Variants in SKA2 observed in about 807,000 individuals in gnomAD.
The protein encoded by SKA2 is spindle and kinetochore-associated protein 2.
Under a neutral mutation model 16.9 loss-of-function variants are expected in SKA2, and 13 were observed. That is an observed-to-expected ratio of 0.77 (90% CI 0.50 to 1.22). SKA2 has a LOEUF of 1.22. Ranked by LOEUF, SKA2 falls within the 50% of genes most tolerant of loss-of-function variation. SKA2 has a pLI of 0.00. For missense variants in SKA2, 107 were observed against 139.7 expected (o/e 0.77, Z 1.18); for synonymous variants, 47 against 48.5 (o/e 0.97, Z 0.13).
intron 1 of SKA2, chr17:59,151,006 T>C (rs1322131069): frequency 8.4e-6 from 3 of 357,888 alleles, no homozygotes; most frequent in South Asian, 6.2e-5. Flanking sequence ...TTTTTTTTTT[T>C]CAAATTATGA....
At chr17:59,137,798 A>G (rs779514158) in intron 1 of SKA2, 2 of 531,848 alleles carry the variant, frequency 3.8e-6, no homozygotes, top group South Asian at 2.8e-5. Flanking sequence ...CCCTATAAGC[A>G]ATATTGCACT....
chr17:59,151,609 G>A (rs1396057840), intron 1 of SKA2, among the ~76,000 whole-genome samples: 2 of 152,084 alleles, frequency 1.3e-5, no homozygotes, highest in Non-Finnish European at 2.9e-5. Context: ...CCTTCTTCAA[G>A]GCAATTTACT....
At chr17:59,139,712 C>A (rs2046474119) in intron 1 of SKA2, among the ~76,000 whole-genome samples, 1 of 152,110 alleles carries the variant, frequency 6.6e-6, no homozygotes. Context: ...TTTATCTACT[C>A]TCCTTTTACT....
intron 2 of SKA2, among the ~76,000 whole-genome samples, chr17:59,127,692 T>A: frequency 6.8e-6 from 1 of 147,978 alleles, no homozygotes; most frequent in East Asian, 2.0e-4. Context: ...CAGCCCACAA[T>A]TTTTTTTTTT....
Position 59,122,065 on chromosome 17 carries a change from A to G in SKA2, c.121-2570T>C, listed in dbSNP as rs1034819627. Among the ~76,000 whole-genome samples, 6 of 152,164 alleles carry G rather than the reference A, an allele frequency of 3.9e-5. 1 individual carries two copies. Among genetic ancestry groups the G allele is most frequent in the African/African-American group, 1.4e-4 (6 of 41,452 alleles). Reference sequence around the variant, plus strand: ...GGATAGAGACACCAGAAAGGATAGGATGTTTCCATGGGAGAAAATAAAACT... The same window carrying G: ...GGATAGAGACACCAGAAAGGATAGGGTGTTTCCATGGGAGAAAATAAAACT... On this transcript the variant is annotated intron_variant, in intron 2 of 3. Transcript: ENST00000330137.
chr17:59,114,547 T>C (rs1006949333), intron 3 of SKA2, among the ~76,000 whole-genome samples: 1 of 152,204 alleles, frequency 6.6e-6, no homozygotes, highest in Non-Finnish European at 1.5e-5. Flanking sequence ...AAATACGCTA[T>C]TATAATCTTC....
chr17:59,130,238 AAAAAAAATTTTTTT>A (rs1235283421), intron 2 of SKA2, among the ~76,000 whole-genome samples: 1 of 148,732 alleles, frequency 6.7e-6, no homozygotes, highest in African/African-American at 2.6e-5. Context: ...ACCCAATCCA[AAAAAAAATTTTTTT>A]AATTGTATGG....
At chr17:59,134,728 C>T (rs2046432381) in intron 1 of SKA2, among the ~76,000 whole-genome samples, 1 of 151,706 alleles carries the variant, frequency 6.6e-6, no homozygotes, top group African/African-American at 2.4e-5. Context: ...ACTGAGACCT[C>T]CAAGGTTTGA....
At chr17:59,132,745 G>T (rs1388477615) in intron 1 of SKA2, among the ~76,000 whole-genome samples, 1 of 152,176 alleles carries the variant, frequency 6.6e-6, no homozygotes, top group East Asian at 1.9e-4. Context: ...AATACTTAAG[G>T]GGGGGCTTTC....
chr17:59,116,716 C>A (rs1240507436), intron 3 of SKA2, among the ~76,000 whole-genome samples: 1 of 151,506 alleles, frequency 6.6e-6, no homozygotes, highest in Non-Finnish European at 1.5e-5. Flanking sequence ...CTTTTCTTGT[C>A]CTTCTTGTTC....
At chr17:59,151,105 G>T in intron 1 of SKA2, 1 of 485,774 alleles carries the variant, frequency 2.1e-6, no homozygotes, top group Admixed American at 2.2e-5. Context: ...GAAGAAAGAT[G>T]TAAGGTAAGA....
At chr17:59,133,150 A>AT (rs1599669347) in intron 1 of SKA2, among the ~76,000 whole-genome samples, 1 of 151,930 alleles carries the variant, frequency 6.6e-6, no homozygotes, top group South Asian at 2.1e-4. Flanking sequence ...CTAATTTTTG[A>AT]TTTTTTACAG....
intron 3 of SKA2, among the ~76,000 whole-genome samples, chr17:59,113,293 G>A (rs890232012): frequency 2.0e-4 from 30 of 152,022 alleles, no homozygotes; most frequent in African/African-American, 5.8e-4. Flanking sequence ...AGGCTGAGGC[G>A]GGTGGATCAC....
intron 1 of SKA2, chr17:59,137,935 G>A: frequency 2.4e-6 from 1 of 423,690 alleles, no homozygotes; most frequent in South Asian, 1.8e-5. Context: ...ACTCATTAGT[G>A]TCTGATAAAT....
chr17:59,144,639 A>C (rs1244532774), intron 1 of SKA2, among the ~76,000 whole-genome samples: 1 of 152,216 alleles, frequency 6.6e-6, no homozygotes, highest in Non-Finnish European at 1.5e-5. Context: ...AATCTTGAGA[A>C]CATTTTGCTG....
intron 2 of SKA2, among the ~76,000 whole-genome samples, chr17:59,127,035 C>A (rs1350061263): frequency 1.3e-5 from 2 of 152,134 alleles, no homozygotes; most frequent in East Asian, 3.9e-4. Context: ...TATGATTCTA[C>A]TTATATGAGT....
At chr17:59,147,289 C>A (rs1485897259) in intron 1 of SKA2, among the ~76,000 whole-genome samples, 5 of 151,422 alleles carry the variant, frequency 3.3e-5, no homozygotes, top group African/African-American at 1.2e-4. Context: ...CACTAGAGAA[C>A]AGTAAGAAAT....
At chr17:59,135,343 G>C (rs2046437766) in intron 1 of SKA2, among the ~76,000 whole-genome samples, 1 of 134,762 alleles carries the variant, frequency 7.4e-6, no homozygotes, top group African/African-American at 2.8e-5. Context: ...TTTAGAAGGA[G>C]TCTCACTCTG....
chr17:59,152,344 T>C (rs1213935031), intron 1 of SKA2, among the ~76,000 whole-genome samples: 6 of 152,170 alleles, frequency 3.9e-5, no homozygotes, highest in Admixed American at 3.9e-4. Flanking sequence ...TTGAGCCTAC[T>C]AAGGAAATGG....
Sources: gnomAD v4.1 joint callset for allele counts (sites outside exome capture counted in the v4.1 genomes callset) on GRCh38, gnomAD v4.1.1 for gene constraint, MANE v1.5 for transcripts, NCBI Gene and HGNC (gene_info 2026-07-23, HGNC 2026-07-21) for gene names.